Variants in KCNJ15 observed in about 807,000 individuals in gnomAD.
KCNJ15 encodes the protein potassium inwardly rectifying channel subfamily J member 15, also known as ATP-sensitive inward rectifier potassium channel 15.
Under a neutral mutation model 23.0 loss-of-function variants are expected in KCNJ15, and 14 were observed. That is an observed-to-expected ratio of 0.61 (90% confidence interval 0.40 to 0.95). The LOEUF (loss-of-function observed/expected upper bound fraction) is 0.95, where lower values mean the gene tolerates loss of function less well. Ranked by LOEUF, KCNJ15 falls within the 40% of genes least tolerant of loss-of-function variation. KCNJ15 has a pLI of 0.00. For synonymous variants in KCNJ15, 185 were observed against 183.2 expected, an observed-to-expected ratio of 1.01 and a Z score of -0.08; for missense variants, 388 against 461.8, an observed-to-expected ratio of 0.84 and a Z score of 1.46.
At chr21:38,273,575 C>T (rs1198410895) in intron 1 of KCNJ15, among the ~76,000 whole-genome samples, 1 of 152,168 alleles carries the variant, frequency 6.6e-6, no homozygotes, top group Non-Finnish European at 1.5e-5. Context: ...ATTCAATTAC[C>T]CATGTCACTT....
intron 1 of KCNJ15, among the ~76,000 whole-genome samples, chr21:38,269,228 T>A (rs921880363): frequency 1.3e-5 from 2 of 152,136 alleles, no homozygotes; most frequent in African/African-American, 4.8e-5. Context: ...TTCTTTTTGT[T>A]CTAAAAACAA....
chr21:38,287,809 T>C (rs748080495), intron 1 of KCNJ15, among the ~76,000 whole-genome samples: 4 of 152,154 alleles, frequency 2.6e-5, no homozygotes, highest in Non-Finnish European at 5.9e-5. Context: ...TGAAATTTTG[T>C]ATTATCATTC....
rs557105515 is a variant in KCNJ15 at position 38,288,924 on chromosome 21, G to C, written c.-116-8002G>C. 4.6e-5 allele frequency among the ~76,000 whole-genome samples: 7 copies of C among 152,284 alleles called. No homozygotes were observed. In the East Asian group the frequency reaches 1.4e-3, roughly 29 times the overall value. ...CATTAAATAAAACACATTAAGCCGG[G>C]CGCGGTGGCTCACGCCTGTAATCTC... is the stretch of plus-strand genomic sequence containing the variant. On this transcript the variant is annotated intron_variant, in intron 1 of 2. Transcript: ENST00000398938.
rs57018976 is a variant in KCNJ15 at position 38,290,995 on chromosome 21, A to AACAC, written c.-116-5904_-116-5901dup. ...GTTCTCAAATGTCATAAAAAGGCTA[A>AACAC]ACACACACACACACACACACACACA... On this transcript the variant is annotated intron_variant, in intron 1 of 2. Coordinates refer to ENST00000398938, the MANE Select transcript of KCNJ15 (RefSeq NM_170736.3). Among the ~76,000 whole-genome samples the AACAC allele has an allele frequency of 4.3e-3, 550 of 127,264 alleles. 2 individuals are homozygous for AACAC. The highest frequency in any genetic ancestry group is 0.014 in the African/African-American group (489 of 34,298). The allele number at this position is 127,264 out of a possible 152,430, so 83.5% of individuals were successfully genotyped here.
At position 38,268,550 on chromosome 21, in the gene KCNJ15, G is replaced by GAAAA. The variant is rs576709021; in HGVS notation, c.-117+11389_-117+11392dup. 1.0e-3 allele frequency among the ~76,000 whole-genome samples: 48 copies of GAAAA among 47,262 alleles called. 1 individual carries two copies. Among genetic ancestry groups the GAAAA allele is most frequent in the Middle Eastern group, 0.02 (1 of 50 alleles). The allele number at this position is 47,262 out of a possible 152,430, so 31.0% of individuals were successfully genotyped here. A position where few individuals can be genotyped will look rare whatever the true frequency, so the allele number is the denominator to read the frequency against. ...TATCTGACAAGAGTACTTAAAATCT[G>GAAAA]AAAAAAAAAAAAAAAAAAAAAAAAA... On this transcript the variant is annotated intron_variant, in intron 1 of 2. Transcript: ENST00000398938.
chr21:38,296,209 T>C (rs1342356017), intron 1 of KCNJ15, among the ~76,000 whole-genome samples: 3 of 152,076 alleles, frequency 2.0e-5, no homozygotes, highest in African/African-American at 7.3e-5. Flanking sequence ...AGATAATTGA[T>C]AGATAATAGA....
chr21:38,290,709 T>C (rs7280248), intron 1 of KCNJ15, among the ~76,000 whole-genome samples: 2,142 of 152,108 alleles, frequency 0.014, 30 homozygotes, highest in Non-Finnish European at 0.024. Flanking sequence ...GATGCTGCGG[T>C]TGGATGAGGG....
At position 38,305,292 on chromosome 21, in the gene KCNJ15, C is replaced by A. The variant is rs1986020985; in HGVS notation, c.*4903C>A. The A allele has an allele frequency of 6.6e-6, 1 of 152,000 alleles. No individual in the cohort carries two copies. Among genetic ancestry groups the A allele is most frequent in the African/African-American group, 2.4e-5 (1 of 41,398 alleles). The allele number at this position is 152,000 out of a possible 1,614,324, so 9.4% of individuals were successfully genotyped here. On this transcript the variant is annotated 3_prime_UTR_variant, in exon 3 of 3. Transcript: ENST00000398938. Reference sequence around the variant, plus strand: ...ATAGATTGGTGGGTTAAAAAATAATCAATTCAAATTCAAATTAGGAATTTA... The same window carrying A: ...ATAGATTGGTGGGTTAAAAAATAATAAATTCAAATTCAAATTAGGAATTTA...
Position 38,299,195 on chromosome 21 carries a change from A to C in KCNJ15, c.-18-49A>C. 1.5e-6 allele frequency: 2 copies of C among 1,361,886 alleles called. No individual in the cohort carries two copies. The highest frequency in any genetic ancestry group is 1.4e-5 in the South Asian group (1 of 73,766). The allele number at this position is 1,361,886 out of a possible 1,614,324, so 84.4% of individuals were successfully genotyped here. A position where few individuals can be genotyped will look rare whatever the true frequency, so the allele number is the denominator to read the frequency against. ...TCACATGATGATTCTATTTTCTGGA[A>C]GTTCCACCACATATGGCGATAATGA... On this transcript the variant is annotated intron_variant, in intron 2 of 2. Transcript: ENST00000398938. This position sits in a 1 kb window ranked among gnomAD's most constrained non-coding sequence, Gnocchi z 4.5.
rs1982986971 is a variant in KCNJ15 at position 38,278,645 on chromosome 21, T to C, written c.-116-18281T>C. On this transcript the variant is annotated intron_variant, in intron 1 of 2. Transcript: ENST00000398938. Reference sequence around the variant, plus strand: ...CATGGGAACAGGTGGAGAAAGCACCTACCTAGAAAGGGTAACACCCCAAAG... The same window carrying C: ...CATGGGAACAGGTGGAGAAAGCACCCACCTAGAAAGGGTAACACCCCAAAG... 2.0e-5 allele frequency among the ~76,000 whole-genome samples: 3 copies of C among 152,188 alleles called. No homozygotes were observed. In the South Asian group the frequency reaches 6.2e-4, roughly 31 times the overall value.
chr21:38,241,538 C>T (rs989030254), intron 1 of KCNJ15, among the ~76,000 whole-genome samples: 1 of 152,160 alleles, frequency 6.6e-6, no homozygotes, highest in African/African-American at 2.4e-5. Context: ...CCTCTGCTAC[C>T]AACAGTGAAT....
intron 1 of KCNJ15, among the ~76,000 whole-genome samples, chr21:38,262,879 T>C (rs1312381986): frequency 1.3e-5 from 2 of 152,164 alleles, no homozygotes; most frequent in African/African-American, 4.8e-5. Context: ...GGTTTCACCA[T>C]GTTGGCCAGG....
At chr21:38,231,492 G>C (rs1296334421) in intron 1 of KCNJ15, among the ~76,000 whole-genome samples, 2 of 151,922 alleles carry the variant, frequency 1.3e-5, no homozygotes, top group African/African-American at 2.4e-5. Context: ...TAGAAGTAGT[G>C]AGAGTGGACA....
At chr21:38,291,220 A>AT (rs1335457480) in intron 1 of KCNJ15, among the ~76,000 whole-genome samples, 9 of 152,142 alleles carry the variant, frequency 5.9e-5, no homozygotes, top group African/African-American at 2.2e-4. Context: ...CACCTGAATC[A>AT]CACACTTCAG....
At chr21:38,240,824 C>A (rs1031651935) in intron 1 of KCNJ15, among the ~76,000 whole-genome samples, 1 of 152,140 alleles carries the variant, frequency 6.6e-6, no homozygotes, top group Non-Finnish European at 1.5e-5. Flanking sequence ...GTCTGTAAAA[C>A]CTTGGCATTT....
At chr21:38,257,944 C>T (rs1472686410) in intron 1 of KCNJ15, among the ~76,000 whole-genome samples, 1 of 152,162 alleles carries the variant, frequency 6.6e-6, no homozygotes. Flanking sequence ...CTCATAATTT[C>T]TTTTAACCCA....
chr21:38,251,574 A>G (rs1979836460), intron 1 of KCNJ15, among the ~76,000 whole-genome samples: 1 of 152,236 alleles, frequency 6.6e-6, no homozygotes, highest in South Asian at 2.1e-4. Flanking sequence ...TGACAAAGTT[A>G]GATTTTACAG....
chr21:38,275,996 A>G (rs1422977672), intron 1 of KCNJ15, among the ~76,000 whole-genome samples: 1 of 152,170 alleles, frequency 6.6e-6, no homozygotes, highest in East Asian at 1.9e-4. Flanking sequence ...GATATGGACA[A>G]AATGGAGAGA....
chr21:38,270,849 G>A (rs895869103), intron 1 of KCNJ15, among the ~76,000 whole-genome samples: 1 of 152,246 alleles, frequency 6.6e-6, no homozygotes, highest in Non-Finnish European at 1.5e-5. Context: ...AGGTTCATAA[G>A]TGTATTCATA....
Sources: gnomAD v4.1 joint callset for allele counts (sites outside exome capture counted in the v4.1 genomes callset) on GRCh38, gnomAD v4.1.1 for gene constraint, Gnocchi (gnomAD v3.1) non-coding constraint, MANE v1.5 for transcripts, NCBI Gene and HGNC (gene_info 2026-07-23, HGNC 2026-07-21) for gene names.